Variants in CSNK1G3 observed in about 807,000 individuals in gnomAD.
CSNK1G3 encodes the protein casein kinase I isoform gamma-3.
CSNK1G3 carries 23 observed loss-of-function variants against 64.3 expected under a neutral mutation model. The ratio of observed to expected loss-of-function variants is 0.36; its 90% CI spans 0.26 to 0.51. The LOEUF is 0.51. CSNK1G3 is among the 20% of genes least tolerant of loss of function. The pLI is 0.96. For missense variants in CSNK1G3, 357 were observed against 510.5 expected, an observed-to-expected ratio of 0.70 and a Z score of 2.90; for synonymous variants, 158 against 162.2, an observed-to-expected ratio of 0.97 and a Z score of 0.20.
intron 1 of CSNK1G3, among the ~76,000 whole-genome samples, chr5:123,519,897 A>G (rs1300634637): frequency 1.3e-5 from 2 of 152,206 alleles, no homozygotes; most frequent in East Asian, 1.9e-4. Flanking sequence ...AATCTTGTCT[A>G]CTTTACAGTT....
chr5:123,517,172 C>G (rs545903928), intron 1 of CSNK1G3, among the ~76,000 whole-genome samples: 9 of 152,278 alleles, frequency 5.9e-5, no homozygotes, highest in Admixed American at 5.2e-4. Flanking sequence ...TCATACCTGA[C>G]CTCTGCTTAA....
chr5:123,560,055 T>A (rs1195339404), intron 4 of CSNK1G3, among the ~76,000 whole-genome samples: 1 of 151,798 alleles, frequency 6.6e-6, no homozygotes, highest in Non-Finnish European at 1.5e-5. Flanking sequence ...AATTGAAAAA[T>A]GGACAAAGGA....
At chr5:123,566,782 A>G (rs998729872) in intron 4 of CSNK1G3, among the ~76,000 whole-genome samples, 2 of 152,150 alleles carry the variant, frequency 1.3e-5, no homozygotes, top group African/African-American at 4.8e-5. Context: ...TCTTTAAAGT[A>G]AGCACTTTTT....
intron 4 of CSNK1G3, among the ~76,000 whole-genome samples, chr5:123,572,951 A>G (rs969887442): frequency 6.6e-6 from 1 of 152,222 alleles, no homozygotes; most frequent in African/African-American, 2.4e-5. Context: ...TACAAGGTGT[A>G]TAAGCCAGAG....
At position 123,590,326 on chromosome 5, in the gene CSNK1G3, A is replaced by G. The variant is rs1274525639; in HGVS notation, c.845-87A>G. ...TGTTACTTTTCAAGTGTTTTTATAT[A>G]ATACAATGTGCTTTTAGATACTTAA... is the stretch of plus-strand genomic sequence containing the variant. On this transcript the variant is annotated intron_variant, in intron 8 of 12. Transcript: ENST00000345990. 3 of 584,622 alleles carry G rather than the reference A, an allele frequency of 5.1e-6. No homozygotes were observed. In the African/African-American group the frequency reaches 5.9e-5, roughly 11 times the overall value. The allele number at this position is 584,622 out of a possible 1,614,324, so 36.2% of individuals were successfully genotyped here. A position where few individuals can be genotyped will look rare whatever the true frequency, so the allele number is the denominator to read the frequency against.
At chr5:123,542,111 A>G (rs911365706) in intron 1 of CSNK1G3, among the ~76,000 whole-genome samples, 9 of 152,098 alleles carry the variant, frequency 5.9e-5, no homozygotes, top group African/African-American at 1.9e-4. Flanking sequence ...TATATATTTG[A>G]CAAATAAAAG....
At chr5:123,533,099 A>G (rs971138900) in intron 1 of CSNK1G3, among the ~76,000 whole-genome samples, 4 of 151,894 alleles carry the variant, frequency 2.6e-5, no homozygotes, top group Non-Finnish European at 4.4e-5. Flanking sequence ...TACTTAATCT[A>G]TTACTTACCA....
intron 1 of CSNK1G3, among the ~76,000 whole-genome samples, chr5:123,528,918 A>T (rs1334581113): frequency 6.6e-6 from 1 of 152,240 alleles, no homozygotes; most frequent in East Asian, 1.9e-4. Context: ...AAAAATTTTG[A>T]GTCACCCAAT....
rs138370044 is a variant in CSNK1G3, at chr5:123,567,477, G to A, written c.290-5916G>A. Reference sequence around the variant, plus strand: ...AAAGATTAGCTGGGCGTGGTGGCAGGTGCCTATAATCCCAGCTATTTTGGG... The same window carrying A: ...AAAGATTAGCTGGGCGTGGTGGCAGATGCCTATAATCCCAGCTATTTTGGG... On this transcript the variant is annotated intron_variant, in intron 4 of 12. Coordinates refer to ENST00000345990, the Ensembl canonical transcript of CSNK1G3. Among the ~76,000 whole-genome samples the A allele has an allele frequency of 3.9e-3, 590 of 152,178 alleles. 4 individuals are homozygous for A. The highest frequency in any genetic ancestry group is 6.5e-3 in the Non-Finnish European group (444 of 68,002).
At chr5:123,534,310 G>A (rs1036283945) in intron 1 of CSNK1G3, among the ~76,000 whole-genome samples, 1 of 152,018 alleles carries the variant, frequency 6.6e-6, no homozygotes, top group Non-Finnish European at 1.5e-5. Flanking sequence ...AGCTAAATGG[G>A]ATTCTAGGAC....
chr5:123,558,534 A>G (rs928024502), intron 4 of CSNK1G3, among the ~76,000 whole-genome samples: 1 of 152,180 alleles, frequency 6.6e-6, no homozygotes, highest in East Asian at 1.9e-4. Context: ...GCATGTTTAC[A>G]TTCTAGTGGG....
intron 2 of CSNK1G3, among the ~76,000 whole-genome samples, chr5:123,546,379 G>A (rs1055692599): frequency 6.6e-6 from 1 of 152,016 alleles, no homozygotes; most frequent in Admixed American, 6.6e-5. Context: ...ATTGATTCAG[G>A]TTATTATAAT....
chr5:123,612,035 G>A (rs1796424884), intron 12 of CSNK1G3, among the ~76,000 whole-genome samples: 1 of 152,168 alleles, frequency 6.6e-6, no homozygotes, highest in Admixed American at 6.5e-5. Flanking sequence ...TACATGTGTA[G>A]TCTTGTTGTA....
chr5:123,596,155 T>C (rs935466402), intron 10 of CSNK1G3, among the ~76,000 whole-genome samples: 3 of 152,092 alleles, frequency 2.0e-5, no homozygotes, highest in African/African-American at 7.2e-5. Flanking sequence ...TTCTCATCAT[T>C]AAATTTTAGA....
At chr5:123,588,907 TTAAATTAAG>T (rs1410655153) in intron 8 of CSNK1G3, among the ~76,000 whole-genome samples, 1 of 150,916 alleles carries the variant, frequency 6.6e-6, no homozygotes, top group African/African-American at 2.5e-5. Context: ...CAAATTAAAC[TTAAATTAAG>T]TAAGGCCAGT....
intron 4 of CSNK1G3, among the ~76,000 whole-genome samples, chr5:123,570,190 T>C (rs1787792090): frequency 6.6e-6 from 1 of 152,196 alleles, no homozygotes; most frequent in East Asian, 1.9e-4. Flanking sequence ...TTTTCCTGTT[T>C]TGGAAACTGT....
intron 6 of CSNK1G3, among the ~76,000 whole-genome samples, chr5:123,579,665 C>T (rs374955652): frequency 2.0e-5 from 3 of 151,786 alleles, no homozygotes; most frequent in East Asian, 1.9e-4. Context: ...GTAGAAATGG[C>T]GAAGTGAGTG....
exon 10 of CSNK1G3, chr5:123,591,340 C>A (rs1427310587): frequency 2.5e-6 from 4 of 1,608,744 alleles, no homozygotes; most frequent in African/African-American, 1.3e-5. Context: ...GGGTGCAGTT[C>A]AGCAAGATCC....
intron 1 of CSNK1G3, among the ~76,000 whole-genome samples, chr5:123,525,314 ATT>A (rs374117552): frequency 6.7e-5 from 9 of 133,930 alleles, no homozygotes; most frequent in East Asian, 2.3e-4. Context: ...AGTTGTTTGC[ATT>A]TTTTTTTTTT....
Sources: gnomAD v4.1 joint callset for allele counts (sites outside exome capture counted in the v4.1 genomes callset) on GRCh38, gnomAD v4.1.1 for gene constraint, MANE v1.5 for transcripts, NCBI Gene and HGNC (gene_info 2026-07-23, HGNC 2026-07-21) for gene names.